The following NR6A1 variants were observed in gnomAD, a reference collection of about 807,000 sequenced individuals.
The protein encoded by NR6A1 is nuclear receptor subfamily 6 group A member 1, also known as retinoic acid receptor-related testis-associated receptor.
In NR6A1, 7 loss-of-function variants were observed where a neutral mutation model predicts 59.1. That is an observed-to-expected ratio of 0.12 (90% confidence interval 0.07 to 0.22). The LOEUF (loss-of-function observed/expected upper bound fraction) is 0.22. Among genes scored for constraint, NR6A1 ranks in the 10% least tolerant of loss-of-function variants. The probability of loss-of-function intolerance (pLI) is 1.00; values close to 1 mark genes in which losing one functional copy is unlikely to be tolerated. For missense variants in NR6A1, 468 were observed against 611.6 expected, an observed-to-expected ratio of 0.77 and a Z score of 2.48; for synonymous variants, 243 against 236.1, an observed-to-expected ratio of 1.03 and a Z score of -0.27.
chr9:124,716,383 A>G (rs962782079), intron 2 of NR6A1, among the ~76,000 whole-genome samples: 1 of 152,236 alleles, frequency 6.6e-6, no homozygotes, highest in African/African-American at 2.4e-5. Flanking sequence ...AAAATATAGC[A>G]TATCTCTGCA....
In NR6A1 at chr9:124,709,722, T is replaced by C. The variant is rs370867840; in HGVS notation, c.142+23586A>G. Among the ~76,000 whole-genome samples, 184 of 143,470 alleles carry C rather than the reference T, an allele frequency of 1.3e-3. 2 individuals carry two copies. The highest frequency in any genetic ancestry group is 4.2e-3 in the African/African-American group (164 of 39,462). 94.1% of individuals were successfully genotyped at this position (143,470 alleles called of 152,430 possible). On this transcript the variant is annotated intron_variant, in intron 2 of 9. Coordinates refer to ENST00000487099, the MANE Select transcript of NR6A1 (RefSeq NM_033334.4). Reference sequence around the variant, plus strand: ...GCCAAGGCGGGCAGATCACTTGAGGTCAGGAGTTCGAGACCAGCCTGACCA... The same window carrying C: ...GCCAAGGCGGGCAGATCACTTGAGGCCAGGAGTTCGAGACCAGCCTGACCA...
intron 2 of NR6A1, among the ~76,000 whole-genome samples, chr9:124,683,551 T>C (rs1337256653): frequency 6.6e-6 from 1 of 152,234 alleles, no homozygotes; most frequent in Non-Finnish European, 1.5e-5. Context: ...CCCAGCACTT[T>C]GGGAGGCCAA....
At chr9:124,617,205 G>T (rs945631948) in intron 2 of NR6A1, among the ~76,000 whole-genome samples, 2 of 152,064 alleles carry the variant, frequency 1.3e-5, no homozygotes, top group African/African-American at 4.8e-5. Context: ...CCTCCCTCCC[G>T]TTGTTTATTA....
intron 2 of NR6A1, among the ~76,000 whole-genome samples, chr9:124,701,236 C>A (rs922293968): frequency 2.0e-5 from 3 of 152,214 alleles, no homozygotes; most frequent in African/African-American, 7.2e-5. Context: ...CTAACACTTT[C>A]TAGAACATTT....
chr9:124,641,335 G>T (rs1208679298), intron 2 of NR6A1, among the ~76,000 whole-genome samples: 1 of 150,390 alleles, frequency 6.6e-6, no homozygotes, highest in Non-Finnish European at 1.5e-5. Context: ...CTCCAGCCTG[G>T]GCAAAAAGAG....
At chr9:124,619,298 C>G (rs1403511865) in intron 2 of NR6A1, among the ~76,000 whole-genome samples, 1 of 152,176 alleles carries the variant, frequency 6.6e-6, no homozygotes, top group Non-Finnish European at 1.5e-5. Flanking sequence ...GGGTCTCCCT[C>G]TGTCGCCCAG....
chr9:124,731,006 T>C (rs1839868747), intron 2 of NR6A1, among the ~76,000 whole-genome samples: 1 of 152,130 alleles, frequency 6.6e-6, no homozygotes, highest in African/African-American at 2.4e-5. Context: ...CTATCTAGCA[T>C]GTTTTATGTG....
At chr9:124,542,127 A>C (rs1259044166) in intron 4 of NR6A1, among the ~76,000 whole-genome samples, 2 of 152,256 alleles carry the variant, frequency 1.3e-5, no homozygotes, top group Admixed American at 6.5e-5. Context: ...ACAACACTGT[A>C]CTGTATAATT....
Position 124,733,363 on chromosome 9 carries a change from A to C in NR6A1, c.101-14T>G, listed in dbSNP as rs201829520. ...CCTGACAGAAACCTAAAGAGAAAAC[A>C]ATAGGAAAAAAAATTACAATTTGTG... On this transcript the variant is annotated splice_polypyrimidine_tract_variant and intron_variant, in intron 1 of 9. Transcript: ENST00000487099. 52 of 1,607,388 alleles carry C rather than the reference A, an allele frequency of 3.2e-5. No homozygotes were observed. In the African/African-American group the frequency reaches 5.6e-4, roughly 17 times the overall value.
At chr9:124,633,796 C>A (rs79466799) in intron 2 of NR6A1, among the ~76,000 whole-genome samples, 1 of 152,230 alleles carries the variant, frequency 6.6e-6, no homozygotes, top group Non-Finnish European at 1.5e-5. Flanking sequence ...AGAAACTGCA[C>A]GCATGGTGAT....
chr9:124,755,606 G>A (rs1840613043), intron 1 of NR6A1, among the ~76,000 whole-genome samples: 1 of 152,148 alleles, frequency 6.6e-6, no homozygotes, highest in Non-Finnish European at 1.5e-5. Context: ...TAGCAACAAT[G>A]TCAAGGTCCT....
intron 2 of NR6A1, among the ~76,000 whole-genome samples, chr9:124,672,463 A>G (rs1837823847): frequency 6.6e-6 from 1 of 152,036 alleles, no homozygotes; most frequent in Non-Finnish European, 1.5e-5. Context: ...AAAAACACAA[A>G]AATTAGCCGA....
chr9:124,756,403 C>A (rs1328222448), intron 1 of NR6A1, among the ~76,000 whole-genome samples: 3 of 152,206 alleles, frequency 2.0e-5, no homozygotes, highest in South Asian at 2.1e-4. Context: ...AGCAAATGAT[C>A]TTCAAATGTT....
At chr9:124,530,051 C>T (rs979411269) in intron 7 of NR6A1, among the ~76,000 whole-genome samples, 3 of 152,152 alleles carry the variant, frequency 2.0e-5, no homozygotes, top group African/African-American at 7.2e-5. Flanking sequence ...CCCAAGTGTT[C>T]ACTCTGGCAC....
intron 1 of NR6A1, among the ~76,000 whole-genome samples, chr9:124,752,457 G>C (rs970699386): frequency 1.3e-5 from 2 of 151,928 alleles, no homozygotes; most frequent in African/African-American, 4.8e-5. Flanking sequence ...GTTTCCAATA[G>C]AACACAATAA....
intron 3 of NR6A1, among the ~76,000 whole-genome samples, chr9:124,549,390 G>A (rs1358410759): frequency 5.3e-5 from 8 of 152,212 alleles, no homozygotes; most frequent in African/African-American, 1.4e-4. Flanking sequence ...AGTGTCAGAG[G>A]GGCCTTGAAA....
intron 2 of NR6A1, among the ~76,000 whole-genome samples, chr9:124,612,494 C>T (rs977508875): frequency 2.0e-5 from 3 of 152,182 alleles, no homozygotes; most frequent in African/African-American, 7.2e-5. Context: ...AGCATCTCTT[C>T]AGGACTTAAA....
At chr9:124,620,964 T>C (rs1182654124) in intron 2 of NR6A1, among the ~76,000 whole-genome samples, 1 of 152,276 alleles carries the variant, frequency 6.6e-6, no homozygotes, top group Non-Finnish European at 1.5e-5. Context: ...GGGACCATGC[T>C]CTTTGGAGAA....
At chr9:124,528,298 G>A (rs1248492956) in intron 7 of NR6A1, among the ~76,000 whole-genome samples, 3 of 152,144 alleles carry the variant, frequency 2.0e-5, no homozygotes, top group East Asian at 3.9e-4. Context: ...GCAGCAGGTA[G>A]AACTAGTTCT....
Sources: allele counts gnomAD v4.1 joint callset (sites outside exome capture counted in the v4.1 genomes callset), GRCh38; gene constraint gnomAD v4.1.1; transcripts MANE v1.5; gene names NCBI Gene and HGNC (gene_info 2026-07-23, HGNC 2026-07-21).